The following MAK variants were observed in gnomAD, a reference collection of about 807,000 sequenced individuals.
The protein encoded by MAK is serine/threonine-protein kinase MAK.
In MAK, 65 loss-of-function variants were observed where a neutral mutation model predicts 82.6. That is an observed-to-expected ratio of 0.79 (90% CI 0.64 to 0.97). MAK has a LOEUF of 0.97. Among genes scored for constraint, MAK ranks in the 50% least tolerant of loss-of-function variants. MAK has a pLI of 0.00. For missense variants in MAK, 703 were observed against 780.2 expected, an observed-to-expected ratio of 0.90 and a Z score of 1.18; for synonymous variants, 250 against 274.2, an observed-to-expected ratio of 0.91 and a Z score of 0.87.
intron 10 of MAK, among the ~76,000 whole-genome samples, chr6:10,790,047 A>C (rs1241874249): frequency 6.6e-6 from 1 of 152,246 alleles, no homozygotes; most frequent in Non-Finnish European, 1.5e-5. Flanking sequence ...AATTTCTGTA[A>C]GACAAGAACC....
Position 10,830,765 on chromosome 6 carries a change from G to T in MAK, c.-117C>A. The T allele has an allele frequency of 1.3e-6, 1 of 788,728 alleles. No homozygotes were observed. The highest frequency in any genetic ancestry group is 2.2e-6 in the Non-Finnish European group (1 of 451,240). The allele number at this position is 788,728 out of a possible 1,614,324, so 48.9% of individuals were successfully genotyped here. On this transcript the variant is annotated 5_prime_UTR_variant, in exon 2 of 15. Transcript: ENST00000354489. ...TCCTCACACTGTTGTTGCTACACTG[G>T]TGACAGGTTTGTCATCATTAAATAT...
chr6:10,826,743 T>C (rs1302240730), intron 2 of MAK: 1 of 152,222 alleles, frequency 6.6e-6, no homozygotes, highest in African/African-American at 2.4e-5. Context: ...TGCCATGTGG[T>C]ACACTTCTGA....
chr6:10,806,052 C>A (rs892077756), intron 6 of MAK, among the ~76,000 whole-genome samples: 3 of 152,168 alleles, frequency 2.0e-5, no homozygotes, highest in African/African-American at 7.2e-5. Flanking sequence ...TGAATGAGTT[C>A]TTTTTCAGGC....
At chr6:10,801,602 C>T (rs1259681739) in intron 8 of MAK, among the ~76,000 whole-genome samples, 1 of 152,202 alleles carries the variant, frequency 6.6e-6, no homozygotes, top group East Asian at 1.9e-4. Flanking sequence ...ACTAGTCTGT[C>T]GCAGGTCTGA....
chr6:10,785,283 C>T (rs1300989698), intron 10 of MAK, among the ~76,000 whole-genome samples: 1 of 152,170 alleles, frequency 6.6e-6, no homozygotes, highest in Non-Finnish European at 1.5e-5. Flanking sequence ...TTTGACCAGG[C>T]AGCAGTGCGT....
rs1297104419 is a variant in MAK, at chr6:10,776,900, C to CCCCATCTCTACT, written c.1466-1442_1466-1441insAGTAGAGATGGG. 3.3e-5 allele frequency among the ~76,000 whole-genome samples: 5 copies of CCCCATCTCTACT among 151,128 alleles called. No individual in the cohort carries two copies. The highest frequency in any genetic ancestry group is 9.7e-5 in the African/African-American group (4 of 41,166). Reference sequence around the variant, plus strand: ...AGGAGTTTGAGACCAGCTTGGCCAACATAGTGAAACCCCATCTCTACTAAA... The same window carrying CCCCATCTCTACT: ...AGGAGTTTGAGACCAGCTTGGCCAACCCCATCTCTACTATAGTGAAACCCCATCTCTACTAAA... On this transcript the variant is annotated intron_variant, in intron 11 of 14. Coordinates refer to ENST00000354489, the MANE Select transcript of MAK (RefSeq NM_001242957.3). This position sits in a 1 kb window ranked among gnomAD's most constrained non-coding sequence, Gnocchi z 4.3.
chr6:10,800,718 A>C lies in MAK; in HGVS notation c.831+1174T>G, dbSNP rs998485105. On this transcript the variant is annotated intron_variant, in intron 8 of 14. Transcript: ENST00000354489. The surrounding 1 kb of genome is among the most constrained non-coding windows in gnomAD (Gnocchi z 4.2). Reference sequence around the variant, plus strand: ...GCCAGGCGTGGTGGCTCATGCCTGTAATCTCAGCTACTCGGGAGGCTGAGG... The same window carrying C: ...GCCAGGCGTGGTGGCTCATGCCTGTCATCTCAGCTACTCGGGAGGCTGAGG... Among the ~76,000 whole-genome samples the C allele has an allele frequency of 6.6e-6, 1 of 152,088 alleles. No individual in the cohort carries two copies. The highest frequency in any genetic ancestry group is 2.4e-5 in the African/African-American group (1 of 41,410).
rs1775896369 is a variant in MAK at position 10,800,082 on chromosome 6, A to G, written c.831+1810T>C. ...AACAAAAACAAAAAAAAACTAAACA[A>G]AAAAACCCCTCTGGTCTCTACAAAA... On this transcript the variant is annotated intron_variant, in intron 8 of 14. Transcript: ENST00000354489. The surrounding 1 kb of genome is among the most constrained non-coding windows in gnomAD (Gnocchi z 4.2). 6.6e-6 allele frequency among the ~76,000 whole-genome samples: 1 copy of G among 150,636 alleles called. No homozygotes were observed. Among genetic ancestry groups the G allele is most frequent in the Non-Finnish European group, 1.5e-5 (1 of 67,884 alleles).
intron 2 of MAK, 106 bp from the exon 3 acceptor site, chr6:10,819,046 A>G (rs1013242265): frequency 2.8e-6 from 2 of 715,582 alleles, no homozygotes; most frequent in Non-Finnish European, 5.1e-6. Context: ...TGGGCGAGCT[A>G]TCTTTCTCTG....
chr6:10,799,572 A>G (rs190038464), intron 8 of MAK, among the ~76,000 whole-genome samples: 1 of 152,320 alleles, frequency 6.6e-6, no homozygotes, highest in East Asian at 1.9e-4. Flanking sequence ...TCAGGACAAC[A>G]TAGTAAGACC....
At chr6:10,765,440 A>G (rs1374710891) in intron 14 of MAK, among the ~76,000 whole-genome samples, 1 of 130,620 alleles carries the variant, frequency 7.7e-6, no homozygotes, top group African/African-American at 3.3e-5. Context: ...TAGAATGAAG[A>G]TTTTTTTTTT....
At chr6:10,771,036 T>A (rs1354248030) in intron 13 of MAK, among the ~76,000 whole-genome samples, 1 of 151,764 alleles carries the variant, frequency 6.6e-6, no homozygotes, top group African/African-American at 2.4e-5. Context: ...AATAGCAACA[T>A]AGGAGGAGAA....
Position 10,791,688 on chromosome 6 carries a change from C to A in MAK, c.1303G>T (p.Asp435Tyr), listed in dbSNP as rs201502742. 1.6e-4 allele frequency: 264 copies of A among 1,613,366 alleles called. 1 individual carries two copies. Among genetic ancestry groups the A allele is most frequent in the South Asian group, 6.5e-4 (59 of 90,988 alleles). The change falls in exon 10 of 15, where the codon GAT becomes TAT. Residue 435 changes from aspartate (D) to tyrosine (Y), a missense_variant. Physicochemically the swap from Asp to Tyr is radical, Grantham distance 160 (BLOSUM62 -3). Coordinates refer to ENST00000354489, the MANE Select transcript of MAK (RefSeq NM_001242957.3). The part of the protein sequence containing the change: ...MGVFKEKRKK[D>Y]SPFRLPEPVP... Reference sequence around the variant, plus strand: ...TTGAAATCTTACCGAAATGGAGAATCTTTTTTCCTTTTTTCTTTAAAAACA... The same window carrying A: ...TTGAAATCTTACCGAAATGGAGAATATTTTTTCCTTTTTTCTTTAAAAACA...
intron 14 of MAK, among the ~76,000 whole-genome samples, chr6:10,767,803 A>AC (rs1222985981): frequency 1.3e-5 from 2 of 151,040 alleles, no homozygotes; most frequent in Non-Finnish European, 3.0e-5. Context: ...AAAAAAAAAA[A>AC]AAAAAAAACA....
chr6:10,804,823 C>T (rs1379477100), intron 6 of MAK, among the ~76,000 whole-genome samples: 1 of 152,100 alleles, frequency 6.6e-6, no homozygotes, highest in East Asian at 1.9e-4. Context: ...GAGAATACTG[C>T]AAGCCCTCAA....
intron 10 of MAK, 70 bp from the exon 11 acceptor site, chr6:10,784,642 T>TCGCCCACCCTCTGCACATCA: frequency 7.0e-7 from 1 of 1,429,134 alleles, no homozygotes; most frequent in Non-Finnish European, 9.9e-7. Context: ...TCTGCACATC[T>TCGCCCACCCTCTGCACATCA]CGCCCACCCT....
At chr6:10,831,720 TG>T (rs1377117096) in intron 1 of MAK, among the ~76,000 whole-genome samples, 3 of 152,140 alleles carry the variant, frequency 2.0e-5, no homozygotes, top group African/African-American at 7.2e-5. Flanking sequence ...AACTCCATCC[TG>T]GGTGACAGAG....
intron 1 of MAK, among the ~76,000 whole-genome samples, chr6:10,835,992 T>C (rs1426630840): frequency 6.6e-6 from 1 of 152,232 alleles, no homozygotes; most frequent in African/African-American, 2.4e-5. Context: ...GACCCAAGCC[T>C]GCGTGCACAG....
At chr6:10,812,307 A>C (rs549136675) in intron 5 of MAK, among the ~76,000 whole-genome samples, 16 of 152,356 alleles carry the variant, frequency 1.1e-4, no homozygotes, top group Admixed American at 9.8e-4. Context: ...GGTATGGGAC[A>C]AACTTTTCTA....
Sources: allele counts gnomAD v4.1 joint callset (sites outside exome capture counted in the v4.1 genomes callset), GRCh38; gene constraint gnomAD v4.1.1; non-coding constraint Gnocchi (gnomAD v3.1); transcripts MANE v1.5; gene names NCBI Gene and HGNC (gene_info 2026-07-23, HGNC 2026-07-21).